Variants in ATP13A4 observed in about 807,000 individuals in gnomAD.
ATP13A4 encodes probable cation-transporting ATPase 13A4.
Under a neutral mutation model 142.5 loss-of-function variants are expected in ATP13A4, and 114 were observed. The observed-to-expected ratio is 0.80, with a 90% CI of 0.69 to 0.93. The LOEUF is 0.93. Ranked by LOEUF, ATP13A4 falls within the 40% of genes least tolerant of loss-of-function variation. The probability of loss-of-function intolerance (pLI) is 0.00; values close to 1 mark genes in which losing one functional copy is unlikely to be tolerated. For synonymous variants in ATP13A4, 488 were observed against 514.8 expected, an observed-to-expected ratio of 0.95 and a Z score of 0.70; for missense variants, 1,392 against 1,454.0, an observed-to-expected ratio of 0.96 and a Z score of 0.69.
chr3:193,434,481 G>A (rs1339536282), intron 24 of ATP13A4, among the ~76,000 whole-genome samples: 1 of 152,144 alleles, frequency 6.6e-6, no homozygotes, highest in East Asian at 1.9e-4. Context: ...CCACCCCTTA[G>A]TGGAAAGGAG....
chr3:193,404,210 C>T (rs1333904014), intron 29 of ATP13A4: 1 of 956,458 alleles, frequency 1.0e-6, no homozygotes, highest in Non-Finnish European at 1.2e-6. Flanking sequence ...TAAAATCTTA[C>T]TTACTTCAAG....
intron 7 of ATP13A4, among the ~76,000 whole-genome samples, chr3:193,485,890 A>G (rs1719584809): frequency 6.6e-6 from 1 of 151,196 alleles, no homozygotes; most frequent in Admixed American, 6.6e-5. Flanking sequence ...TCCAGCCTCC[A>G]TAACTAAAGA....
chr3:193,451,900 G>A lies in ATP13A4; in HGVS notation c.2027+2201C>T, dbSNP rs969645771. ...CTGTGTGTATGCATGGTGCTGATGTGCTTTAAGACAGGAGAGGCAGATTGA... is the reference window on the plus strand; with the variant it reads ...CTGTGTGTATGCATGGTGCTGATGTACTTTAAGACAGGAGAGGCAGATTGA... On this transcript the variant is annotated intron_variant, in intron 17 of 29. Coordinates refer to ENST00000342695, the MANE Select transcript of ATP13A4 (RefSeq NM_032279.4). Among the ~76,000 whole-genome samples the A allele has an allele frequency of 5.9e-5, 9 of 152,268 alleles. No homozygotes were observed. The East Asian group carries it at 9.7e-4, about 16-fold the overall frequency.
chr3:193,437,632 C>G (rs1011449632), intron 23 of ATP13A4, among the ~76,000 whole-genome samples: 1 of 152,042 alleles, frequency 6.6e-6, no homozygotes, highest in African/African-American at 2.4e-5. Flanking sequence ...CATCTCCAGG[C>G]TGTTTTGAAG....
intron 16 of ATP13A4, among the ~76,000 whole-genome samples, chr3:193,454,917 A>G (rs1717498211): frequency 6.6e-6 from 1 of 152,220 alleles, no homozygotes; most frequent in Non-Finnish European, 1.5e-5. Flanking sequence ...GTCAAAGAGT[A>G]AACATACAGC....
intron 1 of ATP13A4, among the ~76,000 whole-genome samples, chr3:193,541,621 C>T (rs2108716969): frequency 6.6e-6 from 1 of 152,200 alleles, no homozygotes; most frequent in African/African-American, 2.4e-5. Flanking sequence ...GACTACCCCA[C>T]CCCATTTTTC....
chr3:193,441,380 C>G, intron 20 of ATP13A4, 86 bp downstream of exon 20: 1 of 1,543,074 alleles, frequency 6.5e-7, no homozygotes, highest in South Asian at 1.1e-5. Flanking sequence ...TTACCTGTCT[C>G]AAGATTTGAA....
chr3:193,551,663 T>A (rs1385896960), intron 1 of ATP13A4, among the ~76,000 whole-genome samples: 1 of 152,240 alleles, frequency 6.6e-6, no homozygotes, highest in Non-Finnish European at 1.5e-5. Flanking sequence ...GGACCAGTCC[T>A]ATTTTACAGG....
At chr3:193,554,943 C>G (rs1723825340), upstream of ATP13A4, 5 of 1,591,482 alleles carry the variant, frequency 3.1e-6, no homozygotes, top group Non-Finnish European at 4.3e-6. Context: ...TGAGCACACA[C>G]CTTCTCTCAA....
intron 2 of ATP13A4, among the ~76,000 whole-genome samples, chr3:193,571,278 CA>C (rs57432082): frequency 2.6e-3 from 244 of 95,456 alleles, no homozygotes; most frequent in Admixed American, 2.4e-3. Context: ...GACCTTGTCT[CA>C]AAAAAAAAAA....
At chr3:193,403,696 T>C (rs1324676167) in intron 29 of ATP13A4, 1 of 934,346 alleles carries the variant, frequency 1.1e-6, no homozygotes, top group African/African-American at 1.8e-5. Context: ...GAGCCTTGAA[T>C]AGAGCCCAAG....
chr3:193,572,203 A>G (rs1724280982), intron 2 of ATP13A4, among the ~76,000 whole-genome samples: 1 of 152,178 alleles, frequency 6.6e-6, no homozygotes, highest in Non-Finnish European at 1.5e-5. Context: ...AGCCGAGATC[A>G]TGCCACTGCA....
At chr3:193,534,705 T>G (rs1722501361) in intron 1 of ATP13A4, among the ~76,000 whole-genome samples, 1 of 152,112 alleles carries the variant, frequency 6.6e-6, no homozygotes. Context: ...CTTTAAAAAT[T>G]TGAATAGCAC....
chr3:193,453,881 G>A (rs1051801039), intron 17 of ATP13A4, among the ~76,000 whole-genome samples: 1 of 152,098 alleles, frequency 6.6e-6, no homozygotes, highest in African/African-American at 2.4e-5. Context: ...ATCCCCCAGT[G>A]AGTGTTCACA....
chr3:193,537,257 T>C (rs1440500670), intron 1 of ATP13A4, among the ~76,000 whole-genome samples: 1 of 152,026 alleles, frequency 6.6e-6, no homozygotes, highest in Non-Finnish European at 1.5e-5. Context: ...CATAGACTAA[T>C]GAAATAGAAG....
chr3:193,405,486 G>A (rs1293936259), intron 29 of ATP13A4, among the ~76,000 whole-genome samples: 1 of 152,176 alleles, frequency 6.6e-6, no homozygotes, highest in African/African-American at 2.4e-5. Context: ...CTGGAAATAG[G>A]CTTGCTGTGG....
At chr3:193,519,626 A>ATTTTTTTTTTTTTT (rs147173408) in intron 1 of ATP13A4, among the ~76,000 whole-genome samples, 8 of 69,040 alleles carry the variant, frequency 1.2e-4, no homozygotes, top group East Asian at 4.8e-4. Flanking sequence ...GCAATTTGTA[A>ATTTTTTTTTTTTTT]TTTTTTTTTT....
At chr3:193,523,511 T>A (rs1488018894) in intron 1 of ATP13A4, among the ~76,000 whole-genome samples, 1 of 152,220 alleles carries the variant, frequency 6.6e-6, no homozygotes, top group African/African-American at 2.4e-5. Context: ...TAATCAGTTA[T>A]GCCTGTGTAG....
At chr3:193,494,446 A>C (rs1720116106) in intron 3 of ATP13A4, among the ~76,000 whole-genome samples, 1 of 152,064 alleles carries the variant, frequency 6.6e-6, no homozygotes, top group Admixed American at 6.6e-5. Context: ...ATAGTATAAA[A>C]GTAGAAATCA....
Sources: allele counts gnomAD v4.1 joint callset (sites outside exome capture counted in the v4.1 genomes callset), GRCh38; gene constraint gnomAD v4.1.1; transcripts MANE v1.5; gene names NCBI Gene and HGNC (gene_info 2026-07-23, HGNC 2026-07-21).